Variants in CACNB4 observed in about 807,000 individuals in gnomAD.
CACNB4 encodes the protein calcium voltage-gated channel auxiliary subunit beta 4.
Under a neutral mutation model 71.2 loss-of-function variants are expected in CACNB4, and 32 were observed. That is an observed-to-expected ratio of 0.45 (90% CI 0.34 to 0.60). CACNB4 has a LOEUF of 0.60. Among genes scored for constraint, CACNB4 ranks in the 20% least tolerant of loss-of-function variants. The probability of loss-of-function intolerance (pLI) is 0.01; values close to 1 mark genes in which losing one functional copy is unlikely to be tolerated. For missense variants in CACNB4, 464 were observed against 647.9 expected, an observed-to-expected ratio of 0.72 and a Z score of 3.08; for synonymous variants, 231 against 236.9, an observed-to-expected ratio of 0.97 and a Z score of 0.23.
At chr2:151,871,727 T>C (rs2099844685) in intron 6 of CACNB4, 1 of 152,574 alleles carries the variant, frequency 6.6e-6, no homozygotes, top group Admixed American at 6.5e-5. Flanking sequence ...TCCAAATTGG[T>C]AATACAATTG....
At chr2:152,051,317 T>G (rs185562840) in intron 2 of CACNB4, among the ~76,000 whole-genome samples, 2 of 152,288 alleles carry the variant, frequency 1.3e-5, no homozygotes, top group Admixed American at 6.5e-5. Context: ...TTAAAGTGCA[T>G]AATCAACAGT....
chr2:152,016,715 C>T (rs1683366199), intron 2 of CACNB4, among the ~76,000 whole-genome samples: 1 of 152,216 alleles, frequency 6.6e-6, no homozygotes, highest in South Asian at 2.1e-4. Context: ...CACGCTCAGG[C>T]ACAAATGTGG....
At position 152,026,656 on chromosome 2, in the gene CACNB4, A is replaced by C. The variant is rs141350239; in HGVS notation, c.147+71674T>G. Among the ~76,000 whole-genome samples the C allele has an allele frequency of 6.7e-3, 1,018 of 152,284 alleles. 12 individuals carry two copies. Among genetic ancestry groups the C allele is most frequent in the African/African-American group, 0.023 (950 of 41,564 alleles). On this transcript the variant is annotated intron_variant, in intron 2 of 13. Coordinates refer to ENST00000539935, the MANE Select transcript of CACNB4 (RefSeq NM_000726.5). ...CGGCCTCCCAAAGTGCTGAGATTAC[A>C]GCCATGAGCCACTGCACTCGGCCTC...
At chr2:151,851,952 T>G (rs901146755) in intron 12 of CACNB4, 6 of 152,160 alleles carry the variant, frequency 3.9e-5, no homozygotes, top group African/African-American at 1.4e-4. Context: ...AATCATACAT[T>G]CCACTGTGTA....
chr2:151,924,292 A>G (rs1038320200), intron 2 of CACNB4, among the ~76,000 whole-genome samples: 5 of 151,436 alleles, frequency 3.3e-5, no homozygotes, highest in African/African-American at 7.3e-5. Flanking sequence ...GTTAGCCAGG[A>G]TGGTCTTGAT....
intron 11 of CACNB4, among the ~76,000 whole-genome samples, chr2:151,854,633 A>G (rs113387617): frequency 1.3e-5 from 2 of 152,298 alleles, no homozygotes; most frequent in East Asian, 3.9e-4. Flanking sequence ...AAAGAAACCA[A>G]TTTGGGGCTA....
At chr2:151,921,138 A>AAAATAAATAAAT (rs70974809) in intron 2 of CACNB4, among the ~76,000 whole-genome samples, 24 of 137,560 alleles carry the variant, frequency 1.7e-4, no homozygotes, top group African/African-American at 5.3e-4. Context: ...CTCCGTCTCA[A>AAAATAAATAAAT]AAATAAATAA....
intron 2 of CACNB4, among the ~76,000 whole-genome samples, chr2:152,028,449 A>G (rs1684096198): frequency 6.6e-6 from 1 of 152,230 alleles, no homozygotes; most frequent in Admixed American, 6.5e-5. Flanking sequence ...AACTAGTTCT[A>G]CTGTAGCCTG....
chr2:152,069,918 C>T (rs1477347907), intron 2 of CACNB4, among the ~76,000 whole-genome samples: 1 of 146,690 alleles, frequency 6.8e-6, no homozygotes, highest in East Asian at 2.0e-4. Flanking sequence ...TCTCGGCTCA[C>T]TGCAAGCTCT....
At chr2:151,894,575 G>T (rs2099851541) in intron 2 of CACNB4, among the ~76,000 whole-genome samples, 2 of 152,066 alleles carry the variant, frequency 1.3e-5, no homozygotes, top group Non-Finnish European at 2.9e-5. Flanking sequence ...TCAAGCAAGA[G>T]AAAGAAATAA....
chr2:151,989,985 G>C (rs765617546), intron 2 of CACNB4, among the ~76,000 whole-genome samples: 3 of 151,910 alleles, frequency 2.0e-5, no homozygotes, highest in South Asian at 2.1e-4. Context: ...TACAGTTGAG[G>C]CTCTCCCAAT....
At chr2:151,961,647 T>A (rs1348965398) in intron 2 of CACNB4, among the ~76,000 whole-genome samples, 1 of 152,074 alleles carries the variant, frequency 6.6e-6, no homozygotes, top group Non-Finnish European at 1.5e-5. Context: ...TCTTAGCACT[T>A]TGGGAAGCCG....
At chr2:151,973,627 A>C in intron 2 of CACNB4, 2 of 1,558,314 alleles carry the variant, frequency 1.3e-6, no homozygotes, top group East Asian at 2.2e-5. Context: ...GGGAGGAGGA[A>C]GAGGAGGGGA....
At chr2:151,935,865 T>C (rs936997008) in intron 2 of CACNB4, among the ~76,000 whole-genome samples, 2 of 152,240 alleles carry the variant, frequency 1.3e-5, no homozygotes, top group Non-Finnish European at 2.9e-5. Flanking sequence ...CTTCAAGGAA[T>C]ATAAAATGCC....
At chr2:152,040,235 C>G (rs1684806802) in intron 2 of CACNB4, among the ~76,000 whole-genome samples, 1 of 152,096 alleles carries the variant, frequency 6.6e-6, no homozygotes. Flanking sequence ...CATGATTCTC[C>G]TATCTCACAG....
intron 2 of CACNB4, among the ~76,000 whole-genome samples, chr2:151,943,159 T>C (rs1024476152): frequency 4.6e-5 from 7 of 152,238 alleles, no homozygotes; most frequent in African/African-American, 1.4e-4. Flanking sequence ...GTCCTACTGA[T>C]ATGTGATGTC....
At position 152,098,858 on chromosome 2, in the gene CACNB4, G is replaced by C; in HGVS notation, c.63+91C>G. 1 of 1,127,676 alleles carries C rather than the reference G, an allele frequency of 8.9e-7. No individual in the cohort carries two copies. The highest frequency in any genetic ancestry group is 1.2e-6 in the Non-Finnish European group (1 of 808,818). 69.9% of individuals were successfully genotyped at this position (1,127,676 alleles called of 1,614,324 possible). ...GACTCCCGGGACTGGGGCCCCGCACGCCCGGCACGAAGGCGGGGCGCGCTA... is the reference window on the plus strand; with the variant it reads ...GACTCCCGGGACTGGGGCCCCGCACCCCCGGCACGAAGGCGGGGCGCGCTA... On this transcript the variant is annotated intron_variant, in intron 1 of 13. Coordinates refer to ENST00000539935, the MANE Select transcript of CACNB4 (RefSeq NM_000726.5). The surrounding 1 kb of genome is among the most constrained non-coding windows in gnomAD (Gnocchi z 5.3).
At chr2:152,019,840 T>A (rs1560137216) in intron 2 of CACNB4, among the ~76,000 whole-genome samples, 1 of 152,130 alleles carries the variant, frequency 6.6e-6, no homozygotes, top group African/African-American at 2.4e-5. Flanking sequence ...TCTGGAAATG[T>A]CAAACAACTC....
chr2:152,073,672 A>G (rs1186861948), intron 2 of CACNB4, among the ~76,000 whole-genome samples: 1 of 152,248 alleles, frequency 6.6e-6, no homozygotes, highest in African/African-American at 2.4e-5. Context: ...CATTTTAAAA[A>G]TGGAACAAAA....
Sources: allele counts gnomAD v4.1 joint callset (sites outside exome capture counted in the v4.1 genomes callset), GRCh38; gene constraint gnomAD v4.1.1; non-coding constraint Gnocchi (gnomAD v3.1); transcripts MANE v1.5; gene names NCBI Gene and HGNC (gene_info 2026-07-23, HGNC 2026-07-21).